Variants in SLC5A4 observed in about 807,000 individuals in gnomAD.
SLC5A4 encodes solute carrier family 5 member 4, also known as probable glucose sensor protein SLC5A4.
SLC5A4 carries 55 observed loss-of-function variants against 70.3 expected under a neutral mutation model. That is an observed-to-expected ratio of 0.78 (90% confidence interval 0.63 to 0.98). The LOEUF (loss-of-function observed/expected upper bound fraction) is 0.98. Ranked by LOEUF, SLC5A4 falls within the 50% of genes least tolerant of loss-of-function variation. The probability of loss-of-function intolerance (pLI) is 0.00; values close to 1 mark genes in which losing one functional copy is unlikely to be tolerated. For synonymous variants in SLC5A4, 268 were observed against 305.7 expected (o/e 0.88, Z 1.29); for missense variants, 735 against 839.2 (o/e 0.88, Z 1.53).
intron 13 of SLC5A4, among the ~76,000 whole-genome samples, chr22:32,222,460 C>T (rs1169497206): frequency 6.6e-6 from 1 of 152,128 alleles, no homozygotes; most frequent in Non-Finnish European, 1.5e-5. Flanking sequence ...AAAGTTAAAC[C>T]TTGCAGCATA....
chr22:32,352,909 C>T, the SLC5A4 span, among the ~76,000 whole-genome samples: 1 of 152,230 alleles, frequency 6.6e-6, no homozygotes, highest in African/African-American at 2.4e-5. Context: ...TCTCCATGGC[C>T]GCCACCAACC....
the SLC5A4 span, among the ~76,000 whole-genome samples, chr22:32,326,240 C>T: frequency 7.3e-5 from 11 of 150,988 alleles, no homozygotes; most frequent in South Asian, 1.0e-3. Flanking sequence ...ACTGTATGCA[C>T]GTGGGGTATG....
the SLC5A4 span, among the ~76,000 whole-genome samples, chr22:32,306,156 G>A: frequency 1.3e-5 from 2 of 152,124 alleles, no homozygotes; most frequent in South Asian, 2.1e-4. Flanking sequence ...AAAACCTAGG[G>A]ACATTGTTAT....
chr22:32,248,133 G>A (rs1051574219), intron 4 of SLC5A4, among the ~76,000 whole-genome samples: 4 of 152,098 alleles, frequency 2.6e-5, no homozygotes, highest in South Asian at 2.1e-4. Context: ...TATATTTCTA[G>A]CAATAGGCCA....
the SLC5A4 span, among the ~76,000 whole-genome samples, chr22:32,311,395 G>T: frequency 9.2e-5 from 14 of 152,344 alleles, no homozygotes; most frequent in South Asian, 1.9e-3. Flanking sequence ...GGGAGATTTG[G>T]TATCACTAAC....
At chr22:32,301,989 TG>T in the SLC5A4 span, among the ~76,000 whole-genome samples, 13 of 152,246 alleles carry the variant, frequency 8.5e-5, no homozygotes, top group African/African-American at 3.1e-4. Context: ...TAACTCAAAG[TG>T]GATCAAAGAC....
chr22:32,297,192 C>G, the SLC5A4 span, among the ~76,000 whole-genome samples: 1 of 151,610 alleles, frequency 6.6e-6, no homozygotes, highest in Non-Finnish European at 1.5e-5. Flanking sequence ...AGGATTCCCT[C>G]TTTTTCTATT....
At chr22:32,224,137 G>T in intron 13 of SLC5A4, 130 bp downstream of exon 13, 1 of 670,412 alleles carries the variant, frequency 1.5e-6, no homozygotes, top group South Asian at 1.8e-5. Context: ...AACCAGGATG[G>T]TCTCCATCTC....
chr22:32,248,958 C>T (rs1369565446), intron 3 of SLC5A4, among the ~76,000 whole-genome samples, 156 bp from the exon 4 acceptor site: 4 of 152,028 alleles, frequency 2.6e-5, no homozygotes, highest in African/African-American at 9.7e-5. Context: ...TTGTGAGTTC[C>T]TTTTTTTCTG....
the SLC5A4 span, chr22:32,327,119 C>T: frequency 6.6e-6 from 1 of 152,264 alleles, no homozygotes; most frequent in East Asian, 1.9e-4. Flanking sequence ...GGGACACTCA[C>T]ATAATACCCA....
the SLC5A4 span, among the ~76,000 whole-genome samples, chr22:32,333,786 C>T: frequency 0.59 from 88,209 of 150,624 alleles, 27,644 homozygotes; most frequent in African/African-American, 0.85. Flanking sequence ...TAAACACACA[C>T]ACCATGCCAC....
At chr22:32,239,599 A>ATATATATATATATATAT in intron 5 of SLC5A4, among the ~76,000 whole-genome samples, 1 of 54,562 alleles carries the variant, frequency 1.8e-5, no homozygotes, top group Non-Finnish European at 3.1e-5. Context: ...TATATAAATT[A>ATATATATATATATATAT]TATAAAATAT....
chr22:32,333,086 T>G, the SLC5A4 span, among the ~76,000 whole-genome samples: 1 of 152,130 alleles, frequency 6.6e-6, no homozygotes, highest in African/African-American at 2.4e-5. Flanking sequence ...AAGGGGAAAG[T>G]GAGGCCGAGG....
chr22:32,342,482 T>C, the SLC5A4 span, among the ~76,000 whole-genome samples: 25,550 of 151,534 alleles, frequency 0.17, 2,558 homozygotes, highest in African/African-American at 0.29. Flanking sequence ...GACTTTAAGA[T>C]AAACAAAAAC....
chr22:32,337,683 C>G, the SLC5A4 span, among the ~76,000 whole-genome samples: 1 of 152,212 alleles, frequency 6.6e-6, no homozygotes, highest in African/African-American at 2.4e-5. Flanking sequence ...CATTTAACAA[C>G]CTGTTCTCCA....
At chr22:32,281,487 A>ACCAG in the SLC5A4 span, among the ~76,000 whole-genome samples, 2 of 152,124 alleles carry the variant, frequency 1.3e-5, no homozygotes, top group Non-Finnish European at 2.9e-5. Flanking sequence ...CACTCCTAGC[A>ACCAG]CCAGCATTCA....
the SLC5A4 span, among the ~76,000 whole-genome samples, chr22:32,329,363 C>G: frequency 6.6e-3 from 1,010 of 152,334 alleles, 9 homozygotes; most frequent in Non-Finnish European, 5.6e-3. Context: ...ACAGAAAACA[C>G]TCAAGAAATG....
Position 32,220,951 on chromosome 22 carries a change from A to G in SLC5A4, c.1737T>C (p.Ser579=), listed in dbSNP as rs765926283. 3 of 1,613,662 alleles carry G rather than the reference A, an allele frequency of 1.9e-6. No homozygotes were observed. Among genetic ancestry groups the G allele is most frequent in the Admixed American group, 3.3e-5 (2 of 60,018 alleles). ...ERIDIDAEEK[S]QEETDDGVEE... Reference sequence around the variant, plus strand: ...CAACACCATCATCTGTTTCTTCCTGACTTTTCTCTTCTGCATCTATATCGA... The same window carrying G: ...CAACACCATCATCTGTTTCTTCCTGGCTTTTCTCTTCTGCATCTATATCGA... Residue 579 remains serine, a synonymous_variant, in exon 14 of 15, where the codon AGT becomes AGC. Coordinates refer to ENST00000266086, the MANE Select transcript of SLC5A4 (RefSeq NM_014227.3).
chr22:32,242,499 G>C (rs750877338), intron 5 of SLC5A4, among the ~76,000 whole-genome samples: 10 of 152,158 alleles, frequency 6.6e-5, no homozygotes, highest in Non-Finnish European at 1.0e-4. Context: ...CACGAGATCA[G>C]GAGTTCGAGA....
Sources: allele counts gnomAD v4.1 joint callset (sites outside exome capture counted in the v4.1 genomes callset), GRCh38; gene constraint gnomAD v4.1.1; transcripts MANE v1.5; gene names NCBI Gene and HGNC (gene_info 2026-07-23, HGNC 2026-07-21).